The following KIF6 variants were observed in gnomAD, a reference collection of about 807,000 sequenced individuals.
KIF6 encodes the protein kinesin family member 6.
Under a neutral mutation model 112.7 loss-of-function variants are expected in KIF6, and 106 were observed. The ratio of observed to expected loss-of-function variants is 0.94; its 90% CI spans 0.80 to 1.11. The LOEUF (loss-of-function observed/expected upper bound fraction) is 1.11, where lower values mean the gene tolerates loss of function less well. KIF6 is among the 50% of genes least tolerant of loss of function. The pLI, the probability that KIF6 is intolerant of heterozygous loss-of-function variation, is 0.00. For synonymous variants in KIF6, 339 were observed against 339.9 expected, an observed-to-expected ratio of 1.00 and a Z score of 0.03; for missense variants, 929 against 964.0, an observed-to-expected ratio of 0.96 and a Z score of 0.48.
At chr6:39,460,003 A>G (rs909026723) in intron 13 of KIF6, among the ~76,000 whole-genome samples, 4 of 141,972 alleles carry the variant, frequency 2.8e-5, no homozygotes, top group Admixed American at 1.4e-4. Context: ...ATACCATTCG[A>G]CCCAGCCATC....
chr6:39,590,554 C>T (rs530235674), intron 7 of KIF6, among the ~76,000 whole-genome samples: 37 of 150,148 alleles, frequency 2.5e-4, no homozygotes, highest in Non-Finnish European at 4.3e-4. Flanking sequence ...TGGATTCAAG[C>T]GATTCGCCAG....
In KIF6 at chr6:39,724,714, C is replaced by T. The variant is rs540378825; in HGVS notation, c.66+531G>A. Among the ~76,000 whole-genome samples, 15 of 152,312 alleles carry T rather than the reference C, an allele frequency of 9.8e-5. No homozygotes were observed. In the East Asian group the frequency reaches 2.5e-3, roughly 26 times the overall value. On this transcript the variant is annotated intron_variant, in intron 1 of 22. Transcript: ENST00000287152. Reference sequence around the variant, plus strand: ...GAGAATAACAACAGTCAACTAATTACTGAGGCCCCACTGGGTGCAAAGTAC... The same window carrying T: ...GAGAATAACAACAGTCAACTAATTATTGAGGCCCCACTGGGTGCAAAGTAC...
intron 16 of KIF6, among the ~76,000 whole-genome samples, chr6:39,380,100 TAA>T (rs1406736330): frequency 6.6e-6 from 1 of 152,200 alleles, no homozygotes; most frequent in Non-Finnish European, 1.5e-5. Context: ...AGTAAAGTGG[TAA>T]AAACACACAC....
chr6:39,565,471 G>A (rs2150605330), intron 10 of KIF6, among the ~76,000 whole-genome samples: 1 of 152,190 alleles, frequency 6.6e-6, no homozygotes, highest in South Asian at 2.1e-4. Context: ...GCAAGCCCAG[G>A]GAATCAAACA....
intron 19 of KIF6, 57 bp downstream of exon 19, chr6:39,357,220 G>T: frequency 9.3e-7 from 1 of 1,070,162 alleles, no homozygotes; most frequent in Non-Finnish European, 1.4e-6. Flanking sequence ...AGGTTAAACA[G>T]AAAGGTAGGG....
intron 13 of KIF6, among the ~76,000 whole-genome samples, chr6:39,512,555 G>A (rs1482435962): frequency 1.3e-5 from 2 of 152,170 alleles, no homozygotes; most frequent in Non-Finnish European, 2.9e-5. Flanking sequence ...TCCCAGCAGT[G>A]AGCCTAGGCT....
intron 22 of KIF6, 124 bp from the exon 23 acceptor site, chr6:39,336,672 G>A: frequency 1.2e-6 from 1 of 826,754 alleles, no homozygotes; most frequent in Non-Finnish European, 2.1e-6. Context: ...CTGCATCTGT[G>A]TCTTGCCTCC....
At chr6:39,380,534 C>A (rs556599766) in intron 16 of KIF6, among the ~76,000 whole-genome samples, 3 of 152,242 alleles carry the variant, frequency 2.0e-5, no homozygotes, top group Non-Finnish European at 4.4e-5. Context: ...TGCACAGTCA[C>A]GCGTGTGTGC....
rs562604060 is a variant in KIF6 at position 39,719,777 on chromosome 6, G to A, written c.176+925C>T. On this transcript the variant is annotated intron_variant, in intron 2 of 22. Coordinates refer to ENST00000287152, the MANE Select transcript of KIF6 (RefSeq NM_145027.6). ...GAAATATAATGGCATCCCTAAATGT[G>A]AGGGCATATGTAATTTAAAATTTTC... Among the ~76,000 whole-genome samples the A allele has an allele frequency of 4.6e-5, 7 of 152,240 alleles. No homozygotes were observed. The South Asian group carries it at 1.0e-3, about 23-fold the overall frequency.
intron 13 of KIF6, among the ~76,000 whole-genome samples, chr6:39,498,892 G>A (rs537702354): frequency 6.6e-6 from 1 of 152,292 alleles, no homozygotes; most frequent in South Asian, 2.1e-4. Context: ...GCATATTAAA[G>A]CCACCTGGCC....
intron 13 of KIF6, among the ~76,000 whole-genome samples, chr6:39,440,142 G>A (rs1165057794): frequency 6.6e-6 from 1 of 152,000 alleles, no homozygotes; most frequent in Non-Finnish European, 1.5e-5. Context: ...AAGGGGGGTG[G>A]ATTCCAAGGA....
At chr6:39,574,680 C>T (rs1388567255) in intron 10 of KIF6, among the ~76,000 whole-genome samples, 11 of 152,082 alleles carry the variant, frequency 7.2e-5, no homozygotes, top group African/African-American at 2.4e-4. Context: ...AGTTGCATGT[C>T]TTATTTTTTT....
At chr6:39,508,357 G>C (rs1776562621) in intron 13 of KIF6, among the ~76,000 whole-genome samples, 1 of 152,074 alleles carries the variant, frequency 6.6e-6, no homozygotes, top group Non-Finnish European at 1.5e-5. Flanking sequence ...CATTGGGACT[G>C]GTTGGACAGT....
chr6:39,529,212 A>G (rs377444756), intron 13 of KIF6, among the ~76,000 whole-genome samples: 91 of 152,308 alleles, frequency 6.0e-4, no homozygotes, highest in African/African-American at 2.0e-3. Context: ...ACTAGAAGAA[A>G]AGATGGGGGA....
At position 39,611,517 on chromosome 6, in the gene KIF6, T is replaced by C. The variant is rs190895039; in HGVS notation, c.639+1672A>G. Among the ~76,000 whole-genome samples the C allele has an allele frequency of 5.3e-3, 811 of 152,264 alleles. 4 individuals are homozygous for C. Among genetic ancestry groups the C allele is most frequent in the Admixed American group, 0.013 (201 of 15,282 alleles). On this transcript the variant is annotated intron_variant, in intron 6 of 22. Coordinates refer to ENST00000287152, the MANE Select transcript of KIF6 (RefSeq NM_145027.6). ...CATGGTGGAACAGGTTAAGGGCCTTTCCATAACCCACTGAAGGTGAGGGAA... is the reference window on the plus strand; with the variant it reads ...CATGGTGGAACAGGTTAAGGGCCTTCCCATAACCCACTGAAGGTGAGGGAA...
intron 6 of KIF6, among the ~76,000 whole-genome samples, chr6:39,600,030 AC>A (rs1782489375): frequency 6.6e-6 from 1 of 152,042 alleles, no homozygotes; most frequent in African/African-American, 2.4e-5. Context: ...AATTTCTTAA[AC>A]CTCAGAAAAC....
At chr6:39,367,168 A>G (rs1193096217) in intron 16 of KIF6, among the ~76,000 whole-genome samples, 2 of 152,186 alleles carry the variant, frequency 1.3e-5, no homozygotes, top group African/African-American at 4.8e-5. Flanking sequence ...TGCTTCTGAT[A>G]TGTTCTGAGG....
At position 39,434,911 on chromosome 6, in the gene KIF6, A is replaced by T. The variant is rs114271962; in HGVS notation, c.1646-3750T>A. 5.6e-3 allele frequency among the ~76,000 whole-genome samples: 859 copies of T among 152,330 alleles called. 4 individuals are homozygous for T. Among genetic ancestry groups the T allele is most frequent in the African/African-American group, 0.02 (815 of 41,570 alleles). On this transcript the variant is annotated intron_variant, in intron 13 of 22. Transcript: ENST00000287152. ...CTGCCATCCAATAGAAATGATCTCTAGGTGATTAAAAAATGAATTTCTTAT... is the reference window on the plus strand; with the variant it reads ...CTGCCATCCAATAGAAATGATCTCTTGGTGATTAAAAAATGAATTTCTTAT...
chr6:39,675,627 G>A (rs1174351977), intron 3 of KIF6, among the ~76,000 whole-genome samples: 1 of 151,888 alleles, frequency 6.6e-6, no homozygotes, highest in East Asian at 1.9e-4. Flanking sequence ...CACCATAAAA[G>A]AGTCAGCAGG....
Sources: gnomAD v4.1 joint callset for allele counts (sites outside exome capture counted in the v4.1 genomes callset) on GRCh38, gnomAD v4.1.1 for gene constraint, MANE v1.5 for transcripts, NCBI Gene and HGNC (gene_info 2026-07-23, HGNC 2026-07-21) for gene names.